METTL24: variants seen among roughly 807,000 people sequenced by gnomAD.
METTL24 encodes probable methyltransferase-like protein 24.
A neutral mutation model predicts 32.7 loss-of-function variants in METTL24; 29 were observed. The observed-to-expected ratio is 0.89, with a 90% CI of 0.66 to 1.21. The LOEUF is 1.21. Ranked by LOEUF, METTL24 falls within the 50% of genes most tolerant of loss-of-function variation. METTL24 has a pLI of 0.00. For synonymous variants in METTL24, 163 were observed against 179.5 expected (o/e 0.91, Z 0.73); for missense variants, 439 against 468.1 (o/e 0.94, Z 0.57).
intron 4 of METTL24, among the ~76,000 whole-genome samples, chr6:110,247,399 C>G (rs1463082697): frequency 6.6e-6 from 1 of 152,212 alleles, no homozygotes; most frequent in Non-Finnish European, 1.5e-5. Flanking sequence ...TTCCAATACA[C>G]CCAAGAGGAA....
intron 4 of METTL24, chr6:110,254,382 AGC>A (rs1778342762): frequency 6.6e-6 from 1 of 152,350 alleles, no homozygotes; most frequent in African/African-American, 2.4e-5. Context: ...CTATAATCCC[AGC>A]ACTTTGGGAG....
rs765347526 is a variant in METTL24 at position 110,315,341 on chromosome 6, C to T, written c.557+1G>A. 1 of 1,613,990 alleles carries T rather than the reference C, an allele frequency of 6.2e-7. No individual in the cohort carries two copies. Among genetic ancestry groups the T allele is most frequent in the Non-Finnish European group, 8.5e-7 (1 of 1,180,036 alleles). On this transcript the variant is annotated splice_donor_variant, in intron 3 of 4. Transcript: ENST00000338882. LOFTEE classifies it high-confidence loss of function. ...CTTCTGCTGTAAAAAAATGTACTCA[C>T]CCTAAGGAGTAGAGGCGGCACTGCT... is the stretch of plus-strand genomic sequence containing the variant.
chr6:110,279,596 T>C (rs1337683406), intron 4 of METTL24, among the ~76,000 whole-genome samples: 2 of 152,196 alleles, frequency 1.3e-5, no homozygotes, highest in Non-Finnish European at 2.9e-5. Flanking sequence ...AGAATACAAG[T>C]AGGCATTACA....
chr6:110,307,558 T>C (rs766872931), intron 3 of METTL24, among the ~76,000 whole-genome samples: 5 of 152,220 alleles, frequency 3.3e-5, no homozygotes, highest in Non-Finnish European at 5.9e-5. Flanking sequence ...GGGGAAGTGA[T>C]AGTCTCATCC....
intron 4 of METTL24, among the ~76,000 whole-genome samples, chr6:110,286,099 T>C (rs959794965): frequency 4.6e-5 from 7 of 152,000 alleles, no homozygotes; most frequent in Non-Finnish European, 8.8e-5. Context: ...GTGGCAAGGG[T>C]TCATATCATG....
At chr6:110,300,801 G>A (rs969633908) in intron 3 of METTL24, among the ~76,000 whole-genome samples, 9 of 149,842 alleles carry the variant, frequency 6.0e-5, no homozygotes, top group African/African-American at 1.2e-4. Flanking sequence ...GAAAATATTC[G>A]AAAAAACAAA....
chr6:110,252,279 G>A (rs1201423238), intron 4 of METTL24, among the ~76,000 whole-genome samples: 1 of 152,204 alleles, frequency 6.6e-6, no homozygotes, highest in African/African-American at 2.4e-5. Context: ...TTGGAGGCTA[G>A]AAACCCAAGA....
chr6:110,334,735 T>C (rs554836677), intron 1 of METTL24, among the ~76,000 whole-genome samples: 1 of 152,334 alleles, frequency 6.6e-6, no homozygotes, highest in South Asian at 2.1e-4. Context: ...CATATATGTA[T>C]TTCTCAGTTC....
At chr6:110,266,147 C>T (rs1770854257) in intron 4 of METTL24, among the ~76,000 whole-genome samples, 1 of 152,002 alleles carries the variant, frequency 6.6e-6, no homozygotes, top group Non-Finnish European at 1.5e-5. Flanking sequence ...TCAAGCGATC[C>T]TCCCACCTCA....
At chr6:110,254,071 T>C (rs1479074086) in intron 4 of METTL24, 6 of 689,742 alleles carry the variant, frequency 8.7e-6, no homozygotes, top group Non-Finnish European at 1.3e-5. Flanking sequence ...AAAAAAAATA[T>C]GAAAGCCTCT....
At chr6:110,267,432 T>C (rs947641472) in intron 4 of METTL24, among the ~76,000 whole-genome samples, 1 of 152,194 alleles carries the variant, frequency 6.6e-6, no homozygotes, top group Non-Finnish European at 1.5e-5. Context: ...CAAACAAATA[T>C]ACCAGATATC....
intron 4 of METTL24, among the ~76,000 whole-genome samples, chr6:110,266,063 G>A (rs1307085625): frequency 1.3e-5 from 2 of 151,834 alleles, no homozygotes; most frequent in African/African-American, 4.8e-5. Flanking sequence ...ACCACACCAG[G>A]CTCTTTTTAA....
intron 4 of METTL24, among the ~76,000 whole-genome samples, chr6:110,263,048 G>A (rs1668446271): frequency 6.6e-6 from 1 of 152,122 alleles, no homozygotes; most frequent in Non-Finnish European, 1.5e-5. Flanking sequence ...TGTTCCCTTT[G>A]AAAACTGGCA....
chr6:110,246,914 G>C (rs1778176511), intron 4 of METTL24, among the ~76,000 whole-genome samples: 1 of 150,428 alleles, frequency 6.6e-6, no homozygotes, highest in South Asian at 2.1e-4. Context: ...ATTATTCTAT[G>C]ATTTCTTTAC....
Position 110,335,563 on chromosome 6 carries a change from ATTGTTTTTTT to A in METTL24, c.319-12701_319-12692del, listed in dbSNP as rs797015396. Among the ~76,000 whole-genome samples the A allele has an allele frequency of 5.4e-3, 609 of 113,622 alleles. 6 individuals carry two copies. Among genetic ancestry groups the A allele is most frequent in the South Asian group, 0.013 (49 of 3,822 alleles). 74.5% of individuals were successfully genotyped at this position (113,622 alleles called of 152,430 possible). ...ACTTGCTTTGTACTTGTAGGGAATC[ATTGTTTTTTT>A]TTTTTTTTTTTTTTTTTTTTTATGA... On this transcript the variant is annotated intron_variant, in intron 1 of 4. Transcript: ENST00000338882.
intron 4 of METTL24, among the ~76,000 whole-genome samples, chr6:110,273,461 AACTATGCATCTG>A (rs1455082873): frequency 2.0e-5 from 3 of 152,208 alleles, no homozygotes; most frequent in Non-Finnish European, 4.4e-5. Flanking sequence ...AATATTCTCA[AACTATGCATCTG>A]ACAAAGGACT....
chr6:110,346,660 AC>A (rs1192334502), intron 1 of METTL24, among the ~76,000 whole-genome samples: 1 of 152,268 alleles, frequency 6.6e-6, no homozygotes, highest in East Asian at 1.9e-4. Context: ...ATGTGCCATC[AC>A]GCCCAGCTAA....
At chr6:110,317,281 T>A (rs916202075) in intron 2 of METTL24, among the ~76,000 whole-genome samples, 1 of 152,260 alleles carries the variant, frequency 6.6e-6, no homozygotes, top group Non-Finnish European at 1.5e-5. Context: ...ATTTATTAAC[T>A]GGGTGCGTCA....
At chr6:110,301,598 C>T (rs979967064) in intron 3 of METTL24, among the ~76,000 whole-genome samples, 2 of 152,166 alleles carry the variant, frequency 1.3e-5, no homozygotes, top group African/African-American at 4.8e-5. Context: ...CTCCCTTAGC[C>T]ATCTCAGCCT....
Sources: gnomAD v4.1 joint callset for allele counts (sites outside exome capture counted in the v4.1 genomes callset) on GRCh38, gnomAD v4.1.1 for gene constraint, MANE v1.5 for transcripts, NCBI Gene and HGNC (gene_info 2026-07-23, HGNC 2026-07-21) for gene names.